GRAMD2B: variants seen among roughly 807,000 people sequenced by gnomAD.
The protein encoded by GRAMD2B is GRAM domain-containing protein 2B.
GRAMD2B carries 41 observed loss-of-function variants against 59.2 expected under a neutral mutation model. The observed-to-expected ratio is 0.69, with a 90% CI of 0.54 to 0.90. The LOEUF is 0.90. Ranked by LOEUF, GRAMD2B falls within the 40% of genes least tolerant of loss-of-function variation. GRAMD2B has a pLI of 0.00. For missense variants in GRAMD2B, 424 were observed against 500.5 expected (o/e 0.85, Z 1.46); for synonymous variants, 161 against 182.7 (o/e 0.88, Z 0.96).
At chr5:126,468,828 C>A (rs1768971021) in intron 2 of GRAMD2B, among the ~76,000 whole-genome samples, 1 of 152,068 alleles carries the variant, frequency 6.6e-6, no homozygotes, top group Non-Finnish European at 1.5e-5. Context: ...CTTATTGGCT[C>A]CATACCTTCT....
intron 1 of GRAMD2B, among the ~76,000 whole-genome samples, chr5:126,424,780 C>T (rs1760297715): frequency 6.6e-6 from 1 of 152,152 alleles, no homozygotes. Flanking sequence ...GGAGTGTGCT[C>T]AATACTTTAA....
chr5:126,379,768 T>G (rs1755504087), intron 1 of GRAMD2B, among the ~76,000 whole-genome samples: 1 of 152,210 alleles, frequency 6.6e-6, no homozygotes, highest in Admixed American at 6.5e-5. Flanking sequence ...GGTTTTTTCT[T>G]GCTTATTTGA....
chr5:126,422,616 C>A (rs960197584), upstream of GRAMD2B, among the ~76,000 whole-genome samples: 3 of 152,154 alleles, frequency 2.0e-5, no homozygotes, highest in African/African-American at 7.2e-5. Context: ...AGATTGGACA[C>A]CCCTGATTGA....
At chr5:126,378,134 G>A (rs1436220014) in intron 1 of GRAMD2B, among the ~76,000 whole-genome samples, 1 of 152,108 alleles carries the variant, frequency 6.6e-6, no homozygotes, top group African/African-American at 2.4e-5. Context: ...ATTTGTGTAT[G>A]TGTCACATAG....
chr5:126,485,692 C>T lies in GRAMD2B; in HGVS notation c.977C>T (p.Ser326Leu). The T allele has an allele frequency of 6.2e-7, 1 of 1,608,716 alleles. No homozygotes were observed. Among genetic ancestry groups the T allele is most frequent in the Non-Finnish European group, 8.5e-7 (1 of 1,176,056 alleles). The change falls in exon 11 of 14, where the codon TCA becomes TTA. Residue 326 changes from serine (S) to leucine (L), a missense_variant. By Grantham distance (145) the Ser-to-Leu change is moderately radical (BLOSUM62 -2). Transcript: ENST00000285689. ...TTTGTTTTCCTCCCAACAGGTCTGT[C>T]AGAAACTGTTGGAATCTTACATAAA... Reference protein sequence around the residue: ...KAKSLPVQGLSETVGILHKVK... With the variant: ...KAKSLPVQGLLETVGILHKVK...
intron 1 of GRAMD2B, among the ~76,000 whole-genome samples, chr5:126,389,373 C>G (rs1226828169): frequency 1.3e-5 from 2 of 152,148 alleles, no homozygotes; most frequent in Non-Finnish European, 2.9e-5. Context: ...TGATTTCGAT[C>G]TTCTCTCCCG....
At chr5:126,455,794 T>A (rs893803804) in intron 1 of GRAMD2B, among the ~76,000 whole-genome samples, 1 of 152,214 alleles carries the variant, frequency 6.6e-6, no homozygotes, top group Non-Finnish European at 1.5e-5. Context: ...AAAGACATAG[T>A]GCCCTCCCCA....
chr5:126,407,379 G>A (rs1450176306), intron 1 of GRAMD2B, among the ~76,000 whole-genome samples: 1 of 151,980 alleles, frequency 6.6e-6, no homozygotes, highest in African/African-American at 2.4e-5. Flanking sequence ...AACCAGGACA[G>A]TCACCCTAGC....
intron 1 of GRAMD2B, among the ~76,000 whole-genome samples, chr5:126,366,071 G>C (rs1754423700): frequency 6.6e-6 from 1 of 152,192 alleles, no homozygotes; most frequent in Admixed American, 6.5e-5. Flanking sequence ...AGCTGTGGCA[G>C]ATAGTAATAG....
At chr5:126,371,180 AC>A, upstream of GRAMD2B, 1 of 370,948 alleles carries the variant, frequency 2.7e-6, no homozygotes, top group East Asian at 1.5e-4. Flanking sequence ...ATCTTAGTGA[AC>A]TAAAAGTTGA....
chr5:126,385,706 T>C (rs1231641498), intron 1 of GRAMD2B, among the ~76,000 whole-genome samples: 1 of 152,202 alleles, frequency 6.6e-6, no homozygotes, highest in Non-Finnish European at 1.5e-5. Context: ...GGTTCTTATG[T>C]TGCTTATAAT....
intron 3 of GRAMD2B, among the ~76,000 whole-genome samples, chr5:126,471,611 G>C (rs778772416): frequency 1.3e-5 from 2 of 152,124 alleles, no homozygotes; most frequent in African/African-American, 2.4e-5. Context: ...ACTGGCTAAG[G>C]AAATGCCTTC....
intron 8 of GRAMD2B, among the ~76,000 whole-genome samples, chr5:126,481,175 T>G (rs1162120036): frequency 8.9e-6 from 1 of 112,294 alleles, no homozygotes. Flanking sequence ...GAAATGAATA[T>G]GCTCAGAATT....
chr5:126,387,169 T>A (rs1485297136), intron 1 of GRAMD2B, among the ~76,000 whole-genome samples: 1 of 151,770 alleles, frequency 6.6e-6, no homozygotes, highest in Non-Finnish European at 1.5e-5. Flanking sequence ...TTTGATGACC[T>A]TAAGTAAACA....
intron 1 of GRAMD2B, among the ~76,000 whole-genome samples, chr5:126,374,073 A>G (rs1253182868): frequency 6.6e-6 from 1 of 152,204 alleles, no homozygotes; most frequent in Non-Finnish European, 1.5e-5. Flanking sequence ...TTCCCCTGGT[A>G]CATTGTGGAA....
intron 1 of GRAMD2B, among the ~76,000 whole-genome samples, chr5:126,397,873 T>C (rs1757497096): frequency 6.6e-6 from 1 of 152,170 alleles, no homozygotes; most frequent in Non-Finnish European, 1.5e-5. Context: ...AAGATGATGA[T>C]GGCCTCATAG....
chr5:126,460,420 A>G (rs182559548), intron 1 of GRAMD2B, among the ~76,000 whole-genome samples: 17 of 152,374 alleles, frequency 1.1e-4, no homozygotes, highest in African/African-American at 3.6e-4. Context: ...AAATATATGT[A>G]TCAGAATTGT....
chr5:126,419,367 A>C (rs1212014087), upstream of GRAMD2B, among the ~76,000 whole-genome samples: 2 of 152,102 alleles, frequency 1.3e-5, no homozygotes, highest in Non-Finnish European at 2.9e-5. Context: ...GGTGCTACAC[A>C]CTTTCAAACA....
chr5:126,411,516 T>G (rs1487700893), intron 1 of GRAMD2B, among the ~76,000 whole-genome samples: 2 of 152,142 alleles, frequency 1.3e-5, no homozygotes, highest in Non-Finnish European at 2.9e-5. Context: ...CATTATAGTA[T>G]AGTTTGAAAT....
Sources: allele counts gnomAD v4.1 joint callset (sites outside exome capture counted in the v4.1 genomes callset), GRCh38; gene constraint gnomAD v4.1.1; transcripts MANE v1.5; gene names NCBI Gene and HGNC (gene_info 2026-07-23, HGNC 2026-07-21).